Variants in RGS12 observed in about 807,000 individuals in gnomAD.
RGS12 encodes regulator of G-protein signaling 12.
In RGS12, 66 loss-of-function variants were observed where a neutral mutation model predicts 120.1. The observed-to-expected ratio is 0.55, with a 90% CI of 0.45 to 0.67. The LOEUF is 0.67. RGS12 is among the 30% of genes least tolerant of loss of function. The probability of loss-of-function intolerance (pLI) is 0.00; values close to 1 mark genes in which losing one functional copy is unlikely to be tolerated. For missense variants in RGS12, 1,859 were observed against 1,957.7 expected (o/e 0.95, Z 0.95); for synonymous variants, 827 against 804.7 (o/e 1.03, Z -0.47).
Position 3,367,997 on chromosome 4 carries a change from T to C in RGS12, c.1999-18419T>C, listed in dbSNP as rs147115861. Among the ~76,000 whole-genome samples the C allele has an allele frequency of 3.3e-4, 51 of 152,350 alleles. 3 individuals are homozygous for C. The East Asian group carries it at 9.5e-3, about 28-fold the overall frequency. On this transcript the variant is annotated intron_variant, in intron 3 of 17. Coordinates refer to ENST00000336727, the MANE Select transcript of RGS12 (RefSeq NM_001394154.1). ...GATGGAACACAATGGGATGAAGATG[T>C]TTCTGTCTGAAAGAACTGAGGTGAA...
chr4:3,404,227 A>G lies in RGS12; in HGVS notation c.2021-9845A>G, dbSNP rs1477058388. Among the ~76,000 whole-genome samples the G allele has an allele frequency of 2.0e-5, 3 of 152,250 alleles. No homozygotes were observed. The East Asian group carries it at 5.8e-4, about 29-fold the overall frequency. On this transcript the variant is annotated intron_variant, in intron 4 of 17. Coordinates refer to ENST00000336727, the MANE Select transcript of RGS12 (RefSeq NM_001394154.1). ...TCCATGAGAAAACCAAGGCACAGAC[A>G]TGCTCAAGGCCATGTGATCAATCAC...
At chr4:3,403,048 G>A (rs1005765736) in intron 4 of RGS12, among the ~76,000 whole-genome samples, 2 of 152,116 alleles carry the variant, frequency 1.3e-5, no homozygotes, top group Non-Finnish European at 2.9e-5. Context: ...TTTGCACATC[G>A]CCTAACACTT....
the RGS12 span, among the ~76,000 whole-genome samples, chr4:3,286,490 C>T: frequency 1.3e-5 from 2 of 152,238 alleles, no homozygotes; most frequent in Non-Finnish European, 2.9e-5. Context: ...AAATCCATTA[C>T]CCTAACCCTG....
At chr4:3,354,205 C>T (rs1241879577) in intron 3 of RGS12, among the ~76,000 whole-genome samples, 2 of 152,182 alleles carry the variant, frequency 1.3e-5, no homozygotes, top group Non-Finnish European at 1.5e-5. Context: ...ACCTTGTTTT[C>T]CTCCCGCAAC....
chr4:3,321,712 TC>T (rs1465305899), intron 2 of RGS12, among the ~76,000 whole-genome samples: 1 of 151,928 alleles, frequency 6.6e-6, no homozygotes, highest in East Asian at 1.9e-4. Flanking sequence ...CGTCAGCTCC[TC>T]CCCCCAGTGG....
chr4:3,292,262 A>G (rs1201680315), upstream of RGS12, among the ~76,000 whole-genome samples: 1 of 151,066 alleles, frequency 6.6e-6, no homozygotes, highest in Non-Finnish European at 1.5e-5. Context: ...GGACAGGGCC[A>G]GAGGCGCAGG....
chr4:3,294,706 C>G (rs944667487), intron 1 of RGS12, among the ~76,000 whole-genome samples: 2 of 152,178 alleles, frequency 1.3e-5, no homozygotes, highest in South Asian at 4.1e-4. Context: ...ACTGCAAGTC[C>G]AGCCTTATCT....
Position 3,333,916 on chromosome 4 carries a change from A to G in RGS12, c.1882-9021A>G, listed in dbSNP as rs113231167. On this transcript the variant is annotated intron_variant, in intron 2 of 17. Transcript: ENST00000336727. The stretch of plus-strand genomic sequence containing the variant: ...AGATCAAGCCTTCCTATCCATGAAA[A>G]TAGTATCTCTCTTCTCTCTCATTTT... Among the ~76,000 whole-genome samples, 738 of 152,330 alleles carry G rather than the reference A, an allele frequency of 4.8e-3. 2 individuals are homozygous for G. The highest frequency in any genetic ancestry group is 7.5e-3 in the Non-Finnish European group (509 of 68,028).
intron 9 of RGS12, 158 bp from the exon 10 acceptor site, chr4:3,420,484 G>A (rs3088231): frequency 0.097 from 68,224 of 700,110 alleles, 4,483 homozygotes; most frequent in East Asian, 0.3. Flanking sequence ...CATGTGACTC[G>A]TCTCCACCAG....
intron 1 of RGS12, among the ~76,000 whole-genome samples, chr4:3,309,110 TG>T (rs1724145979): frequency 1.0e-5 from 1 of 99,828 alleles, no homozygotes; most frequent in African/African-American, 4.0e-5. Context: ...AGGGGAACCG[TG>T]TTGAGGAGGA....
At chr4:3,399,743 C>T (rs550802908) in intron 4 of RGS12, among the ~76,000 whole-genome samples, 37 of 152,356 alleles carry the variant, frequency 2.4e-4, no homozygotes, top group Middle Eastern at 6.8e-3. Flanking sequence ...ATGAGTATAT[C>T]AGTCAGCTTA....
intron 9 of RGS12, chr4:3,417,926 A>C: frequency 1.1e-5 from 2 of 183,410 alleles, no homozygotes; most frequent in Middle Eastern, 2.4e-3. Context: ...GAACACACAA[A>C]TGTGCTATTG....
Position 3,316,524 on chromosome 4 carries a change from C to G in RGS12, c.354C>G (p.Gly118=). The G allele has an allele frequency of 6.2e-7, 1 of 1,614,168 alleles. No individual in the cohort carries two copies. The highest frequency in any genetic ancestry group is 8.5e-7 in the Non-Finnish European group (1 of 1,180,036). The change falls in exon 2 of 18, where the codon GGC becomes GGG. Residue 118 remains glycine (G), a synonymous_variant. Transcript: ENST00000336727. Reference sequence around the variant, plus strand: ...AAGGGGGACTCTATGAAGGAAAAGGCTGGCTGAAGCCCAAGCTGGATTCTA... The same window carrying G: ...AAGGGGGACTCTATGAAGGAAAAGGGTGGCTGAAGCCCAAGCTGGATTCTA... The part of the protein sequence containing the change: ...DEEGGLYEGK[G]WLKPKLDSKA...
At chr4:3,343,130 C>T in intron 3 of RGS12, 77 bp downstream of exon 3, 1 of 1,065,320 alleles carries the variant, frequency 9.4e-7, no homozygotes, top group Admixed American at 1.9e-5. Context: ...ATACGTCTGG[C>T]TGTTTTTTGA....
In RGS12 at chr4:3,368,559, A is replaced by C. The variant is rs572801313; in HGVS notation, c.1999-17857A>C. On this transcript the variant is annotated intron_variant, in intron 3 of 17. Transcript: ENST00000336727. ...TGTGTGGGGTACGTGTGTGGGGTGC[A>C]TGTGTGTGTGTGTGGGGTGCCTGTG... Among the ~76,000 whole-genome samples, 17 of 56,084 alleles carry C rather than the reference A, an allele frequency of 3.0e-4. No individual in the cohort carries two copies. In the South Asian group the frequency reaches 4.7e-3, roughly 15 times the overall value. 36.8% of individuals were successfully genotyped at this position (56,084 alleles called of 152,430 possible). A position where few individuals can be genotyped will look rare whatever the true frequency, so the allele number is the denominator to read the frequency against.
At chr4:3,313,258 T>C (rs1276948573) in intron 1 of RGS12, among the ~76,000 whole-genome samples, 1 of 152,228 alleles carries the variant, frequency 6.6e-6, no homozygotes, top group Non-Finnish European at 1.5e-5. Flanking sequence ...ATGTCTTTCA[T>C]TGAGGCAGCA....
At chr4:3,289,479 C>T (rs1218321435), upstream of RGS12, among the ~76,000 whole-genome samples, 1 of 152,190 alleles carries the variant, frequency 6.6e-6, no homozygotes, top group Non-Finnish European at 1.5e-5. Flanking sequence ...GCTGGGATTA[C>T]AGGCATGAGC....
intron 2 of RGS12, among the ~76,000 whole-genome samples, chr4:3,335,286 A>G (rs1712317492): frequency 6.6e-6 from 1 of 152,164 alleles, no homozygotes; most frequent in Non-Finnish European, 1.5e-5. Flanking sequence ...TTACTCTGTA[A>G]CCATTGCTGT....
In RGS12 at chr4:3,414,790, A is replaced by C. The variant is rs1373420591; in HGVS notation, c.2229A>C (p.Leu743Phe). ...LRKEFSEENI[L>F]FWQACEYFNH... ...AAGAATTCAGTGAAGAAAACATTTT[A>C]TTCTGGCAGGCCTGTGAATATTTTA... The change falls in exon 6 of 18, where the codon TTA becomes TTC. Residue 743 changes from leucine to phenylalanine, a missense_variant. Physicochemically the swap from Leu to Phe is conservative, Grantham distance 22. This residue lies in a region of RGS12 where 375 missense variants were observed against 475.0 expected (regional missense o/e 0.79). Coordinates refer to ENST00000336727, the MANE Select transcript of RGS12 (RefSeq NM_001394154.1). 2 of 1,613,640 alleles carry C rather than the reference A, an allele frequency of 1.2e-6. No individual in the cohort carries two copies. The highest frequency in any genetic ancestry group is 1.7e-6 in the Non-Finnish European group (2 of 1,179,574).
Sources: allele counts gnomAD v4.1 joint callset (sites outside exome capture counted in the v4.1 genomes callset), GRCh38; gene constraint gnomAD v4.1.1; regional missense constraint gnomAD v4.1.1; transcripts MANE v1.5; gene names NCBI Gene and HGNC (gene_info 2026-07-23, HGNC 2026-07-21).